The following FGF13 variants were observed in gnomAD, a reference collection of about 807,000 sequenced individuals.
FGF13 encodes the protein fibroblast growth factor homologous factor 2.
A neutral mutation model predicts 19.5 loss-of-function variants in FGF13; 2 were observed. That is an observed-to-expected ratio of 0.10 (90% CI 0.04 to 0.32). The LOEUF is 0.32. Among genes scored for constraint, FGF13 ranks in the 10% least tolerant of loss-of-function variants. FGF13 has a pLI of 1.00. For missense variants in FGF13, 113 were observed against 192.7 expected (o/e 0.59, Z 2.45); for synonymous variants, 72 against 76.9 (o/e 0.94, Z 0.33).
intron 3 of FGF13, among the ~76,000 whole-genome samples, chrX:138,686,251 A>C (rs772599520): frequency 1.4e-4 from 16 of 111,905 alleles, no homozygotes; most frequent in Admixed American, 2.9e-4. Flanking sequence ...ATTCTTATTT[A>C]TAATGTATGA....
chrX:139,093,295 T>C (rs184430582), intron 1 of FGF13, among the ~76,000 whole-genome samples: 2 of 112,189 alleles, frequency 1.8e-5, no homozygotes, highest in East Asian at 5.7e-4. Flanking sequence ...TGTGATTTCC[T>C]GCCTTCAAAT....
intron 3 of FGF13, among the ~76,000 whole-genome samples, chrX:138,833,753 T>C (rs2091091354): frequency 9.0e-6 from 1 of 111,694 alleles, no homozygotes; most frequent in East Asian, 2.8e-4. Flanking sequence ...AAGGGGAGTG[T>C]TTTTAGCTTT....
chrX:138,831,272 T>C (rs1056991197), intron 3 of FGF13, among the ~76,000 whole-genome samples: 16 of 111,302 alleles, frequency 1.4e-4, no homozygotes, highest in Admixed American at 1.4e-3. Flanking sequence ...ACAGAGAGAC[T>C]ACTAGGGCAA....
intron 3 of FGF13, among the ~76,000 whole-genome samples, chrX:138,674,531 G>A (rs895140395): frequency 1.8e-5 from 2 of 110,910 alleles, no homozygotes; most frequent in Non-Finnish European, 3.8e-5. Flanking sequence ...CCTAAGATGA[G>A]GAAAGAGAGA....
At position 139,195,646 on chromosome X, in the gene FGF13, T is replaced by C. The variant is rs182215029; in HGVS notation, c.-113+7770A>G. On this transcript the variant is annotated intron_variant, in intron 1 of 2. Coordinates refer to the FGF13 transcript ENST00000421460. ...ATTAAATTTACCTATAGCCATGCAA[T>C]AGACCCATCACTGTTAATTATTACC... is the stretch of plus-strand genomic sequence containing the variant. 1.2e-3 allele frequency among the ~76,000 whole-genome samples: 137 copies of C among 112,281 alleles called. 1 individual carries two copies. The highest frequency in any genetic ancestry group is 3.2e-4 in the Non-Finnish European group (17 of 53,311).
chrX:138,786,226 G>A (rs1482215279), intron 3 of FGF13, among the ~76,000 whole-genome samples: 4 of 111,487 alleles, frequency 3.6e-5, no homozygotes, highest in Non-Finnish European at 7.5e-5. Context: ...CTACCCAACA[G>A]ACATAATAAA....
At chrX:138,911,767 C>T (rs1216505831) in intron 1 of FGF13, among the ~76,000 whole-genome samples, 1 of 111,719 alleles carries the variant, frequency 9.0e-6, no homozygotes, top group African/African-American at 3.3e-5. Flanking sequence ...TACCTTTACC[C>T]AAAACTTTGC....
chrX:139,129,186 T>C (rs1416919741), intron 1 of FGF13, among the ~76,000 whole-genome samples: 6 of 107,038 alleles, frequency 5.6e-5, no homozygotes, highest in African/African-American at 2.0e-4. Flanking sequence ...CACACATGTG[T>C]GTGTGTGTAA....
intron 1 of FGF13, among the ~76,000 whole-genome samples, chrX:138,975,859 G>A (rs978749662): frequency 9.0e-6 from 1 of 111,454 alleles, no homozygotes; most frequent in East Asian, 2.8e-4. Flanking sequence ...TCACTATGTT[G>A]TGTTTTAGGA....
At chrX:138,819,572 G>A (rs1307764243) in intron 3 of FGF13, among the ~76,000 whole-genome samples, 5 of 111,307 alleles carry the variant, frequency 4.5e-5, no homozygotes, top group African/African-American at 1.6e-4. Context: ...AAGTGTGGAA[G>A]CCATTTCCCA....
At chrX:138,775,901 G>A (rs1340669791) in intron 3 of FGF13, among the ~76,000 whole-genome samples, 3 of 112,554 alleles carry the variant, frequency 2.7e-5, no homozygotes, top group African/African-American at 9.7e-5. Context: ...GTATATTATA[G>A]CATGGAGATA....
chrX:138,815,522 C>T (rs2090956021), intron 3 of FGF13, among the ~76,000 whole-genome samples: 1 of 110,098 alleles, frequency 9.1e-6, no homozygotes, highest in Non-Finnish European at 1.9e-5. Flanking sequence ...GGTACTGACA[C>T]ATCAATAGAG....
intron 1 of FGF13, among the ~76,000 whole-genome samples, chrX:139,066,835 A>T (rs2124428395): frequency 9.0e-6 from 1 of 110,734 alleles, no homozygotes; most frequent in Non-Finnish European, 1.9e-5. Context: ...AAAAAAAAGC[A>T]AATTTCAGGC....
At chrX:138,949,375 A>G (rs1168866738) in intron 1 of FGF13, among the ~76,000 whole-genome samples, 2 of 111,498 alleles carry the variant, frequency 1.8e-5, no homozygotes, top group East Asian at 5.7e-4. Flanking sequence ...GGTGGTTGCC[A>G]ACAATCCTTG....
chrX:139,097,208 T>A (rs58004267), intron 1 of FGF13, among the ~76,000 whole-genome samples: 23,937 of 111,337 alleles, frequency 0.21, 2,289 homozygotes, highest in African/African-American at 0.37. Flanking sequence ...ATTGCTTTAA[T>A]GCAGGGGTGT....
Position 138,617,600 on chromosome X carries a change from T to A in FGF13, c.*15250A>T, listed in dbSNP as rs991930565. ...CATGGTAAAGAGAATGAACATGAGG[T>A]GTGTGTGTCTGTGCATGCACACATG... On this transcript the variant is annotated 3_prime_UTR_variant, in exon 5 of 5. Transcript: ENST00000315930. 9.1e-6 allele frequency: 1 copy of A among 110,141 alleles called. No homozygotes were observed. Among genetic ancestry groups the A allele is most frequent in the Non-Finnish European group, 1.9e-5 (1 of 52,960 alleles). 9.1% of individuals were successfully genotyped at this position (110,141 alleles called of 1,213,427 possible). A position where few individuals can be genotyped will look rare whatever the true frequency, so the allele number is the denominator to read the frequency against.
chrX:138,835,973 G>T (rs193183128), intron 3 of FGF13, among the ~76,000 whole-genome samples: 1 of 109,302 alleles, frequency 9.1e-6, no homozygotes, highest in Non-Finnish European at 1.9e-5. Context: ...ATTGTTGAAT[G>T]TTAAAAAAAA....
At chrX:138,798,229 A>C in intron 3 of FGF13, among the ~76,000 whole-genome samples, 1 of 111,553 alleles carries the variant, frequency 9.0e-6, no homozygotes, top group Non-Finnish European at 1.9e-5. Flanking sequence ...ATTTTGAGAT[A>C]TGTTCCATAA....
rs1327762767 is a variant in FGF13 at position 138,943,151 on chromosome X, T to A, written c.-112-78501A>T. ...TGGAAGGGGACTGTTGATCAGGGAC[T>A]GGGCAATCTGTTCCTCTCCTGGGCA... On this transcript the variant is annotated intron_variant, in intron 1 of 2. Coordinates refer to the FGF13 transcript ENST00000421460. Among the ~76,000 whole-genome samples, 21 of 112,258 alleles carry A rather than the reference T, an allele frequency of 1.9e-4. No individual in the cohort carries two copies. The Admixed American group carries it at 2.0e-3, about 11-fold the overall frequency.
Sources: allele counts gnomAD v4.1 joint callset (sites outside exome capture counted in the v4.1 genomes callset), GRCh38; gene constraint gnomAD v4.1.1; transcripts MANE v1.5; gene names NCBI Gene and HGNC (gene_info 2026-07-23, HGNC 2026-07-21).